Variants in FRMD4A observed in about 807,000 individuals in gnomAD.
FRMD4A encodes the protein FERM domain-containing protein 4A.
FRMD4A carries 29 observed loss-of-function variants against 129.1 expected under a neutral mutation model. The ratio of observed to expected loss-of-function variants is 0.22; its 90% CI spans 0.17 to 0.31. FRMD4A has a LOEUF of 0.31. FRMD4A is among the 10% of genes least tolerant of loss of function. The pLI is 1.00. For synonymous variants in FRMD4A, 634 were observed against 571.6 expected, an observed-to-expected ratio of 1.11 and a Z score of -1.56; for missense variants, 1,272 against 1,375.8, an observed-to-expected ratio of 0.92 and a Z score of 1.19.
chr10:13,728,917 G>A (rs2135011927), intron 12 of FRMD4A, among the ~76,000 whole-genome samples: 1 of 152,290 alleles, frequency 6.6e-6, no homozygotes, highest in African/African-American at 2.4e-5. Flanking sequence ...AAATGGAGAT[G>A]ATTCAGCCAT....
chr10:13,669,070 T>G (rs1241827081), intron 17 of FRMD4A, among the ~76,000 whole-genome samples: 2 of 147,220 alleles, frequency 1.4e-5, no homozygotes, highest in South Asian at 2.2e-4. Flanking sequence ...TTTTTTTTTT[T>G]TTTTTTTTTT....
At chr10:14,070,693 A>G (rs1056773188) in intron 2 of FRMD4A, among the ~76,000 whole-genome samples, 6 of 152,338 alleles carry the variant, frequency 3.9e-5, no homozygotes, top group South Asian at 2.1e-4. Context: ...TGTTATAACC[A>G]CAATAGATGT....
intron 15 of FRMD4A, chr10:13,693,355 G>C: frequency 3.7e-6 from 1 of 267,654 alleles, no homozygotes; most frequent in Non-Finnish European, 6.6e-6. Flanking sequence ...CTTGGCCAAG[G>C]CTGGCGGAAG....
intron 2 of FRMD4A, among the ~76,000 whole-genome samples, chr10:14,104,012 C>A (rs754614346): frequency 5.9e-5 from 9 of 152,206 alleles, no homozygotes; most frequent in Non-Finnish European, 1.2e-4. Context: ...GTCCTCCTTG[C>A]TGTAAATTGG....
At position 13,710,205 on chromosome 10, in the gene FRMD4A, G is replaced by A. The variant is rs140400117; in HGVS notation, c.760-3092C>T. On this transcript the variant is annotated intron_variant, in intron 12 of 24. Transcript: ENST00000357447. Reference sequence around the variant, plus strand: ...AGAAGGAAAGAAAGCAGAACCAGGTGTGAGCACGCTTGAGAAAACCCCTGT... The same window carrying A: ...AGAAGGAAAGAAAGCAGAACCAGGTATGAGCACGCTTGAGAAAACCCCTGT... Among the ~76,000 whole-genome samples, 90 of 152,278 alleles carry A rather than the reference G, an allele frequency of 5.9e-4. No homozygotes were observed. In the Middle Eastern group the frequency reaches 0.01, roughly 17 times the overall value.
chr10:14,119,097 C>T (rs955647732), intron 2 of FRMD4A, among the ~76,000 whole-genome samples: 3 of 152,038 alleles, frequency 2.0e-5, no homozygotes, highest in Admixed American at 1.3e-4. Flanking sequence ...ATGAGTGGTG[C>T]CAAGGAACAC....
intron 12 of FRMD4A, among the ~76,000 whole-genome samples, chr10:13,709,761 C>T (rs540810595): frequency 6.6e-6 from 1 of 152,276 alleles, no homozygotes; most frequent in South Asian, 2.1e-4. Context: ...CCTGAGGGCC[C>T]TTTGCTCAGA....
At chr10:14,076,107 G>A (rs552038928) in intron 2 of FRMD4A, among the ~76,000 whole-genome samples, 18 of 152,238 alleles carry the variant, frequency 1.2e-4, no homozygotes, top group African/African-American at 4.1e-4. Context: ...CTACAAGGCT[G>A]GCTCACTATG....
intron 2 of FRMD4A, among the ~76,000 whole-genome samples, chr10:14,005,115 C>G (rs970865398): frequency 6.6e-6 from 1 of 151,964 alleles, no homozygotes; most frequent in African/African-American, 2.4e-5. Context: ...CTCCACCTCC[C>G]AGGTTCAAGC....
chr10:14,216,163 G>C lies in FRMD4A; in HGVS notation c.45+113895C>G, dbSNP rs577033969. ...TGATTATTCCAAAATTCCGTCCCGGGGTCTGAGATTTAGTGAATAAATGTG... is the reference window on the plus strand; with the variant it reads ...TGATTATTCCAAAATTCCGTCCCGGCGTCTGAGATTTAGTGAATAAATGTG... On this transcript the variant is annotated intron_variant, in intron 2 of 24. Coordinates refer to ENST00000357447, the MANE Select transcript of FRMD4A (RefSeq NM_018027.5). Among the ~76,000 whole-genome samples the C allele has an allele frequency of 6.6e-5, 10 of 152,126 alleles. No homozygotes were observed. In the South Asian group the frequency reaches 1.0e-3, roughly 16 times the overall value.
At chr10:13,883,351 G>A (rs910033696) in intron 2 of FRMD4A, among the ~76,000 whole-genome samples, 1 of 152,052 alleles carries the variant, frequency 6.6e-6, no homozygotes, top group Non-Finnish European at 1.5e-5. Context: ...AATTAGCTGG[G>A]TGTAGTGGTG....
chr10:14,023,463 C>A (rs1407227928), intron 2 of FRMD4A, among the ~76,000 whole-genome samples: 2 of 152,238 alleles, frequency 1.3e-5, no homozygotes, highest in Non-Finnish European at 2.9e-5. Context: ...AGCTGCGAGA[C>A]GCAGACTGGC....
chr10:14,118,433 C>A (rs749432089), intron 2 of FRMD4A, among the ~76,000 whole-genome samples: 2 of 152,194 alleles, frequency 1.3e-5, no homozygotes, highest in Non-Finnish European at 2.9e-5. Context: ...GGATCTTCTT[C>A]CCCTGAATGC....
At position 14,134,283 on chromosome 10, in the gene FRMD4A, G is replaced by T. The variant is rs543712159; in HGVS notation, c.45+195775C>A. Among the ~76,000 whole-genome samples the T allele has an allele frequency of 3.6e-3, 537 of 147,836 alleles. 7 individuals are homozygous for T. Among genetic ancestry groups the T allele is most frequent in the Non-Finnish European group, 3.1e-3 (207 of 67,652 alleles). Reference sequence around the variant, plus strand: ...TGGATGGATGGATGGATGGATGGATGGATAGGTAGATAAATGGGTGAATGG... The same window carrying T: ...TGGATGGATGGATGGATGGATGGATTGATAGGTAGATAAATGGGTGAATGG... On this transcript the variant is annotated intron_variant, in intron 2 of 24. Transcript: ENST00000357447.
intron 2 of FRMD4A, among the ~76,000 whole-genome samples, chr10:13,983,829 G>A (rs887952023): frequency 1.4e-5 from 2 of 147,678 alleles, no homozygotes; most frequent in Admixed American, 1.3e-4. Context: ...GTGAAACCTC[G>A]TCTCTACTAA....
chr10:14,153,781 G>A lies in FRMD4A; in HGVS notation c.45+176277C>T, dbSNP rs117002157. Among the ~76,000 whole-genome samples the A allele has an allele frequency of 5.0e-3, 764 of 152,256 alleles. 4 individuals are homozygous for A. The highest frequency in any genetic ancestry group is 0.016 in the Admixed American group (244 of 15,306). On this transcript the variant is annotated intron_variant, in intron 2 of 24. Coordinates refer to ENST00000357447, the MANE Select transcript of FRMD4A (RefSeq NM_018027.5). ...CACTGGGAAGCACTGGCAGAAAGTC[G>A]GAGGGCAGAATAAGACAGAACCTTC...
chr10:13,778,891 T>C (rs781011966), intron 6 of FRMD4A, among the ~76,000 whole-genome samples: 21 of 152,224 alleles, frequency 1.4e-4, no homozygotes, highest in Non-Finnish European at 2.9e-5. Context: ...CAAACCATCA[T>C]GGCACATGTA....
At chr10:14,225,071 T>C (rs1348773477) in intron 2 of FRMD4A, among the ~76,000 whole-genome samples, 2 of 152,198 alleles carry the variant, frequency 1.3e-5, no homozygotes, top group Non-Finnish European at 2.9e-5. Flanking sequence ...GCAAATAAGC[T>C]TGACATTCTT....
At chr10:13,950,435 GA>G (rs1306476727) in intron 2 of FRMD4A, among the ~76,000 whole-genome samples, 3 of 151,938 alleles carry the variant, frequency 2.0e-5, no homozygotes, top group Non-Finnish European at 4.4e-5. Context: ...GGAGGGGACA[GA>G]AAAACAAGTA....
Sources: gnomAD v4.1 joint callset for allele counts (sites outside exome capture counted in the v4.1 genomes callset) on GRCh38, gnomAD v4.1.1 for gene constraint, MANE v1.5 for transcripts, NCBI Gene and HGNC (gene_info 2026-07-23, HGNC 2026-07-21) for gene names.